ULK4: variants seen among roughly 807,000 people sequenced by gnomAD.
ULK4 encodes the protein unc-51 like kinase 4.
A neutral mutation model predicts 160.6 loss-of-function variants in ULK4; 133 were observed. That is an observed-to-expected ratio of 0.83 (90% CI 0.72 to 0.96). The LOEUF (loss-of-function observed/expected upper bound fraction) is 0.96. Among genes scored for constraint, ULK4 ranks in the 40% least tolerant of loss-of-function variants. ULK4 has a pLI of 0.00. For synonymous variants in ULK4, 534 were observed against 539.8 expected, an observed-to-expected ratio of 0.99 and a Z score of 0.15; for missense variants, 1,580 against 1,499.5, an observed-to-expected ratio of 1.05 and a Z score of -0.89.
intron 34 of ULK4, among the ~76,000 whole-genome samples, chr3:41,423,708 G>A (rs184255290): frequency 8.5e-5 from 13 of 152,102 alleles, no homozygotes; most frequent in African/African-American, 1.7e-4. Flanking sequence ...CTGACTACGC[G>A]GTTGTCTTGA....
At chr3:41,267,678 A>G (rs1023462077) in intron 35 of ULK4, among the ~76,000 whole-genome samples, 1 of 151,862 alleles carries the variant, frequency 6.6e-6, no homozygotes, top group Admixed American at 6.6e-5. Flanking sequence ...ATTCTGCATG[A>G]CTCTTAGAGC....
rs138981457 is a variant in ULK4, at chr3:41,815,469, C to CTT, written c.1848+3952_1848+3953dup. Among the ~76,000 whole-genome samples the CTT allele has an allele frequency of 6.5e-3, 989 of 152,080 alleles. 5 individuals are homozygous for CTT. The highest frequency in any genetic ancestry group is 0.017 in the Middle Eastern group (5 of 294). On this transcript the variant is annotated intron_variant, in intron 19 of 36. Transcript: ENST00000301831. ...ATTAACAATGAAATATACGATTTCACTTTTTTTTACTACAGTTGTTGCTGC... is the reference window on the plus strand; with the variant it reads ...ATTAACAATGAAATATACGATTTCACTTTTTTTTTTACTACAGTTGTTGCTGC...
chr3:41,705,313 AAAAT>A lies in ULK4; in HGVS notation c.2635-12_2635-9del, dbSNP rs760195212. 1.2e-6 allele frequency: 2 copies of A among 1,601,498 alleles called. No homozygotes were observed. The highest frequency in any genetic ancestry group is 1.7e-6 in the Non-Finnish European group (2 of 1,174,096). ...TACAGATTTAATATGACTCTGAAAA[AAAAT>A]AAATTTTTAATAAATAGAGTTTCAA... On this transcript the variant is annotated splice_polypyrimidine_tract_variant and intron_variant, in intron 25 of 36. Transcript: ENST00000301831.
In ULK4 at chr3:41,455,526, T is replaced by A; in HGVS notation, c.3463A>T (p.Thr1155Ser). The change falls in exon 34 of 37, where the codon ACA becomes TCA. Residue 1155 changes from threonine (T) to serine (S), a missense_variant. Coordinates refer to ENST00000301831, the MANE Select transcript of ULK4 (RefSeq NM_017886.4). ...EDLLLLNRPLTDLISLLIPLL... is the reference protein window; with the variant it reads ...EDLLLLNRPLSDLISLLIPLL... ...GGAATGAGCAGGCTAATCAGGTCTG[T>A]CAGAGGTCTGTTGAGCAGCAGCAGG... 6.2e-7 allele frequency: 1 copy of A among 1,614,054 alleles called. No individual in the cohort carries two copies. The highest frequency in any genetic ancestry group is 8.5e-7 in the Non-Finnish European group (1 of 1,179,934).
chr3:41,319,819 C>G (rs1434620248), intron 35 of ULK4, among the ~76,000 whole-genome samples: 1 of 152,134 alleles, frequency 6.6e-6, no homozygotes, highest in Admixed American at 6.5e-5. Context: ...CTCCCAGAAA[C>G]ATTACATGAA....
intron 35 of ULK4, among the ~76,000 whole-genome samples, chr3:41,310,237 T>G (rs992905329): frequency 1.3e-5 from 2 of 152,228 alleles, no homozygotes; most frequent in African/African-American, 4.8e-5. Context: ...TACTTTCACA[T>G]TGTGAATTAA....
chr3:41,710,405 C>T (rs1434246377), intron 25 of ULK4, among the ~76,000 whole-genome samples: 1 of 152,128 alleles, frequency 6.6e-6, no homozygotes, highest in Admixed American at 6.5e-5. Flanking sequence ...AGAGACCTGT[C>T]ATTTGCACTG....
At chr3:41,589,383 G>T (rs937447594) in intron 31 of ULK4, among the ~76,000 whole-genome samples, 5 of 96,376 alleles carry the variant, frequency 5.2e-5, no homozygotes, top group African/African-American at 2.1e-4. Flanking sequence ...GTGGATTTTT[G>T]AAATCAATCT....
intron 17 of ULK4, among the ~76,000 whole-genome samples, chr3:41,856,594 T>C (rs1215202361): frequency 1.3e-5 from 1 of 78,878 alleles, no homozygotes; most frequent in African/African-American, 8.7e-5. Context: ...TATACACATA[T>C]ATATATATGT....
rs765143238 is a variant in ULK4 at position 41,919,703 on chromosome 3, C to A, written c.643+14G>T. 2.5e-6 allele frequency: 4 copies of A among 1,608,078 alleles called. No individual in the cohort carries two copies. Among genetic ancestry groups the A allele is most frequent in the Non-Finnish European group, 3.4e-6 (4 of 1,174,760 alleles). On this transcript the variant is annotated intron_variant, in intron 6 of 36. Transcript: ENST00000301831. ...GTCCAGCTCTGATTTTATACCTATT[C>A]AGGAAACAATTACCTGAAAACATTT...
chr3:41,860,860 CTTTTTAT>C (rs1028971548), intron 17 of ULK4, among the ~76,000 whole-genome samples: 6 of 151,942 alleles, frequency 3.9e-5, no homozygotes, highest in Admixed American at 3.9e-4. Flanking sequence ...TAGTTTCTTG[CTTTTTAT>C]TTTTTGTGTA....
At chr3:41,917,155 T>C (rs538385134) in intron 7 of ULK4, among the ~76,000 whole-genome samples, 111 of 152,264 alleles carry the variant, frequency 7.3e-4, no homozygotes, top group African/African-American at 2.2e-3. Flanking sequence ...CTCATAATGT[T>C]TTGTCTTTTT....
chr3:41,447,282 A>G (rs527699529), intron 34 of ULK4, among the ~76,000 whole-genome samples: 1 of 152,204 alleles, frequency 6.6e-6, no homozygotes, highest in Admixed American at 6.5e-5. Flanking sequence ...TTCATATTAA[A>G]GCATTACTTC....
chr3:41,335,066 A>G (rs916991091), intron 35 of ULK4, among the ~76,000 whole-genome samples: 4 of 152,224 alleles, frequency 2.6e-5, no homozygotes, highest in African/African-American at 9.6e-5. Flanking sequence ...AAGAAAAACA[A>G]AACTTTGACC....
At chr3:41,804,586 G>T in intron 19 of ULK4, among the ~76,000 whole-genome samples, 1 of 151,644 alleles carries the variant, frequency 6.6e-6, no homozygotes, top group African/African-American at 2.4e-5. Context: ...GTATTGCCTA[G>T]GTTGTCTTCT....
chr3:41,583,763 C>T (rs947578761), intron 31 of ULK4, among the ~76,000 whole-genome samples: 2 of 152,228 alleles, frequency 1.3e-5, no homozygotes, highest in Non-Finnish European at 2.9e-5. Context: ...AACTGCTTGA[C>T]TATTTGCTTC....
chr3:41,251,668 T>A (rs2078744572), intron 35 of ULK4, among the ~76,000 whole-genome samples: 1 of 152,178 alleles, frequency 6.6e-6, no homozygotes, highest in Non-Finnish European at 1.5e-5. Context: ...TCCTCTTGTG[T>A]CCCAGGCCAT....
intron 32 of ULK4, among the ~76,000 whole-genome samples, chr3:41,559,028 A>C (rs112130219): frequency 0.37 from 38,822 of 104,868 alleles, 8,858 homozygotes; most frequent in Middle Eastern, 0.5. Context: ...CCTCCCCCCT[A>C]CCCCCACCCC....
chr3:41,501,231 T>C (rs911141930), intron 32 of ULK4, among the ~76,000 whole-genome samples: 1 of 152,152 alleles, frequency 6.6e-6, no homozygotes, highest in Admixed American at 6.5e-5. Flanking sequence ...CGGTGGCTCA[T>C]GCCTGTAATC....
Sources: allele counts gnomAD v4.1 joint callset (sites outside exome capture counted in the v4.1 genomes callset), GRCh38; gene constraint gnomAD v4.1.1; transcripts MANE v1.5; gene names NCBI Gene and HGNC (gene_info 2026-07-23, HGNC 2026-07-21).